The following BRINP2 variants were observed in gnomAD, a reference collection of about 807,000 sequenced individuals.
BRINP2 encodes BMP/retinoic acid inducible neural specific 2.
Under a neutral mutation model 69.2 loss-of-function variants are expected in BRINP2, and 21 were observed. The ratio of observed to expected loss-of-function variants is 0.30; its 90% CI spans 0.22 to 0.44. The LOEUF (loss-of-function observed/expected upper bound fraction) is 0.44. BRINP2 is among the 20% of genes least tolerant of loss of function. The probability of loss-of-function intolerance (pLI) is 1.00; values close to 1 mark genes in which losing one functional copy is unlikely to be tolerated. For missense variants in BRINP2, 877 were observed against 986.0 expected, an observed-to-expected ratio of 0.89 and a Z score of 1.48; for synonymous variants, 380 against 394.1, an observed-to-expected ratio of 0.96 and a Z score of 0.42.
At chr1:177,195,110 C>A (rs1418229209) in intron 1 of BRINP2, among the ~76,000 whole-genome samples, 2 of 152,102 alleles carry the variant, frequency 1.3e-5, no homozygotes, top group Non-Finnish European at 2.9e-5. Context: ...CTAAACAAAG[C>A]CCACTTTTCT....
intron 2 of BRINP2, among the ~76,000 whole-genome samples, chr1:177,231,902 A>T (rs1649870136): frequency 1.3e-5 from 2 of 151,944 alleles, no homozygotes; most frequent in Non-Finnish European, 2.9e-5. Context: ...AACACCTAAG[A>T]ATCTCAAAGA....
chr1:177,273,629 A>T, intron 5 of BRINP2, 36 bp downstream of exon 5: 1 of 1,305,844 alleles, frequency 7.7e-7, no homozygotes. Context: ...TACCTTTCAC[A>T]CCTGATTTAA....
intron 4 of BRINP2, among the ~76,000 whole-genome samples, chr1:177,273,218 G>A (rs370518964): frequency 4.6e-5 from 7 of 152,222 alleles, no homozygotes; most frequent in South Asian, 2.1e-4. Flanking sequence ...AGCATTCTCC[G>A]CCTTTCCAGA....
chr1:177,257,437 G>A (rs1650806704), intron 4 of BRINP2, 53 bp downstream of exon 4: 2 of 1,495,440 alleles, frequency 1.3e-6, no homozygotes, highest in Non-Finnish European at 1.8e-6. Context: ...TGAGGAACCA[G>A]GGGGAGGCCA....
Position 177,268,557 on chromosome 1 carries a change from T to C in BRINP2, c.670-4931T>C, listed in dbSNP as rs1651201432. Among the ~76,000 whole-genome samples the C allele has an allele frequency of 2.0e-5, 3 of 152,364 alleles. No homozygotes were observed. In the East Asian group the frequency reaches 5.8e-4, roughly 29 times the overall value. On this transcript the variant is annotated intron_variant, in intron 4 of 7. Transcript: ENST00000361539. ...ACTAACATGGACATATGCACCTTTT[T>C]GTTTATTTAATGTATTCCTTAAGAC...
At chr1:177,175,929 G>A (rs150584764) in intron 1 of BRINP2, among the ~76,000 whole-genome samples, 4 of 152,186 alleles carry the variant, frequency 2.6e-5, no homozygotes, top group African/African-American at 9.7e-5. Context: ...ATGTGGTTAA[G>A]GGTTGTGAAT....
intron 5 of BRINP2, among the ~76,000 whole-genome samples, chr1:177,274,005 A>T (rs571375556): frequency 1.3e-3 from 195 of 152,342 alleles, no homozygotes; most frequent in Non-Finnish European, 2.2e-3. Flanking sequence ...TGGTTAGAAG[A>T]CTACCATCTC....
chr1:177,269,619 G>A (rs1415039746), intron 4 of BRINP2, among the ~76,000 whole-genome samples: 3 of 152,162 alleles, frequency 2.0e-5, no homozygotes, highest in Non-Finnish European at 2.9e-5. Context: ...TTTAAAGCAC[G>A]TACACCATCA....
chr1:177,265,402 C>G (rs990078764), intron 4 of BRINP2, among the ~76,000 whole-genome samples: 4 of 152,170 alleles, frequency 2.6e-5, no homozygotes, highest in Admixed American at 6.5e-5. Context: ...CCCTTTGTCC[C>G]TTCTTCATGC....
At chr1:177,272,726 T>A (rs1417422615) in intron 4 of BRINP2, among the ~76,000 whole-genome samples, 1 of 149,072 alleles carries the variant, frequency 6.7e-6, no homozygotes, top group East Asian at 1.9e-4. Context: ...GTTGATTGAT[T>A]GTTGGCAAAG....
intron 1 of BRINP2, among the ~76,000 whole-genome samples, chr1:177,186,321 A>G (rs1379015800): frequency 6.6e-6 from 1 of 152,126 alleles, no homozygotes; most frequent in Non-Finnish European, 1.5e-5. Context: ...TTTCCTAATC[A>G]TAATACAAAA....
intron 2 of BRINP2, among the ~76,000 whole-genome samples, chr1:177,233,742 C>T (rs975783976): frequency 7.9e-5 from 12 of 152,166 alleles, no homozygotes; most frequent in African/African-American, 2.7e-4. Flanking sequence ...AGATGGTTTC[C>T]AGCATATGTT....
At chr1:177,249,818 C>T (rs889096353) in intron 2 of BRINP2, among the ~76,000 whole-genome samples, 3 of 152,154 alleles carry the variant, frequency 2.0e-5, no homozygotes, top group African/African-American at 7.2e-5. Context: ...TGGAAAGAAC[C>T]AGGTTATTAA....
At chr1:177,202,392 G>C (rs1193497219) in intron 1 of BRINP2, among the ~76,000 whole-genome samples, 1 of 152,152 alleles carries the variant, frequency 6.6e-6, no homozygotes, top group Non-Finnish European at 1.5e-5. Flanking sequence ...AGAGATTCTG[G>C]TATGTTGTGT....
At chr1:177,189,048 G>C (rs1230132757) in intron 1 of BRINP2, among the ~76,000 whole-genome samples, 2 of 152,142 alleles carry the variant, frequency 1.3e-5, no homozygotes, top group African/African-American at 4.8e-5. Context: ...AGAAGGCCAG[G>C]CTACAGGAAG....
At chr1:177,176,512 CATTATTATTATT>C (rs3041971) in intron 1 of BRINP2, among the ~76,000 whole-genome samples, 21,725 of 143,052 alleles carry the variant, frequency 0.15, 3,223 homozygotes, top group African/African-American at 0.38. Context: ...AAGTGGCTGG[CATTATTATTATT>C]ATTATTATTA....
chr1:177,231,238 G>A (rs1649854977), intron 2 of BRINP2, among the ~76,000 whole-genome samples: 1 of 152,146 alleles, frequency 6.6e-6, no homozygotes, highest in African/African-American at 2.4e-5. Flanking sequence ...GGGAAATTGA[G>A]GCCCAAAGAA....
intron 1 of BRINP2, among the ~76,000 whole-genome samples, chr1:177,196,412 G>A (rs1463021418): frequency 1.3e-5 from 2 of 152,126 alleles, no homozygotes; most frequent in South Asian, 2.1e-4. Flanking sequence ...GAGGTCGGGA[G>A]TTTGAGACCA....
At chr1:177,200,320 A>AAAAAAAAAAAAAAAAAAC (rs1648871272) in intron 1 of BRINP2, among the ~76,000 whole-genome samples, 2 of 146,528 alleles carry the variant, frequency 1.4e-5, no homozygotes, top group Non-Finnish European at 3.0e-5. Flanking sequence ...AAAAAAAAAA[A>AAAAAAAAAAAAAAAAAAC]AAGAATGCAT....
Sources: gnomAD v4.1 joint callset for allele counts (sites outside exome capture counted in the v4.1 genomes callset) on GRCh38, gnomAD v4.1.1 for gene constraint, MANE v1.5 for transcripts, NCBI Gene and HGNC (gene_info 2026-07-23, HGNC 2026-07-21) for gene names.